Variants in UST observed in about 807,000 individuals in gnomAD.
UST encodes chondroitin sulfate 2-O-sulfotransferase.
Under a neutral mutation model 45.6 loss-of-function variants are expected in UST, and 21 were observed. The observed-to-expected ratio is 0.46, with a 90% CI of 0.33 to 0.66. The LOEUF (loss-of-function observed/expected upper bound fraction) is 0.66, where lower values mean the gene tolerates loss of function less well. Ranked by LOEUF, UST falls within the 30% of genes least tolerant of loss-of-function variation. The probability of loss-of-function intolerance (pLI) is 0.02; values close to 1 mark genes in which losing one functional copy is unlikely to be tolerated. For synonymous variants in UST, 215 were observed against 200.6 expected (o/e 1.07, Z -0.61); for missense variants, 463 against 512.4 (o/e 0.90, Z 0.93).
rs192450877 is a variant in UST at position 148,759,984 on chromosome 6, A to G, written c.247+12307A>G. Among the ~76,000 whole-genome samples the G allele has an allele frequency of 5.9e-5, 9 of 152,278 alleles. No homozygotes were observed. The East Asian group carries it at 1.7e-3, about 29-fold the overall frequency. Reference sequence around the variant, plus strand: ...TGCTGTTCTTCAAATCATGTGCTGAAAGAGACAAGAGGTCATATAATTGTA... The same window carrying G: ...TGCTGTTCTTCAAATCATGTGCTGAGAGAGACAAGAGGTCATATAATTGTA... On this transcript the variant is annotated intron_variant, in intron 1 of 7. Transcript: ENST00000367463.
chr6:148,994,419 C>T (rs540913670), intron 5 of UST, among the ~76,000 whole-genome samples: 13 of 152,124 alleles, frequency 8.5e-5, no homozygotes, highest in Non-Finnish European at 1.9e-4. Context: ...TGGAAAACTG[C>T]TGATAATCCA....
chr6:148,807,731 T>G (rs1419086383), intron 1 of UST, among the ~76,000 whole-genome samples: 1 of 152,154 alleles, frequency 6.6e-6, no homozygotes, highest in Non-Finnish European at 1.5e-5. Flanking sequence ...ATTTTCATAT[T>G]GGGAAATCAT....
chr6:148,948,148 C>T (rs1469076357), intron 3 of UST, among the ~76,000 whole-genome samples: 1 of 152,156 alleles, frequency 6.6e-6, no homozygotes, highest in Non-Finnish European at 1.5e-5. Flanking sequence ...ACAAGGGCTA[C>T]CCCATACTGT....
intron 7 of UST, among the ~76,000 whole-genome samples, chr6:149,061,135 A>C (rs1382792748): frequency 1.3e-5 from 2 of 152,078 alleles, no homozygotes; most frequent in Non-Finnish European, 2.9e-5. Flanking sequence ...ACCATCTCGG[A>C]GGTCATAAAG....
chr6:148,855,745 G>GA (rs1298160778), intron 1 of UST, among the ~76,000 whole-genome samples: 1 of 152,114 alleles, frequency 6.6e-6, no homozygotes, highest in East Asian at 1.9e-4. Context: ...TACTTCGGGA[G>GA]AAAAAGGAGA....
intron 5 of UST, among the ~76,000 whole-genome samples, chr6:149,000,985 G>A (rs926675747): frequency 6.6e-6 from 1 of 151,442 alleles, no homozygotes; most frequent in Non-Finnish European, 1.5e-5. Flanking sequence ...TCTGATAGGA[G>A]ATCCAGAAAA....
chr6:148,937,521 C>T (rs1027824411), intron 2 of UST, among the ~76,000 whole-genome samples: 1 of 152,136 alleles, frequency 6.6e-6, no homozygotes, highest in African/African-American at 2.4e-5. Context: ...TAAATAACAT[C>T]TTTGGTTATT....
chr6:148,926,996 G>A (rs191758605), intron 2 of UST, among the ~76,000 whole-genome samples: 74 of 152,032 alleles, frequency 4.9e-4, no homozygotes, highest in Non-Finnish European at 8.4e-4. Flanking sequence ...ATGAAAGAAA[G>A]CAATTAACAA....
At chr6:148,853,228 C>CT (rs1244551286) in intron 1 of UST, among the ~76,000 whole-genome samples, 4 of 152,136 alleles carry the variant, frequency 2.6e-5, no homozygotes, top group Non-Finnish European at 5.9e-5. Context: ...GCCTGTGTTA[C>CT]TTTGCTGAGG....
intron 2 of UST, among the ~76,000 whole-genome samples, chr6:148,919,444 G>GTGTGTGTGTGTGTA (rs4047184): frequency 1.2e-3 from 183 of 147,560 alleles, no homozygotes; most frequent in African/African-American, 4.4e-3. Context: ...GTGTGTGTGT[G>GTGTGTGTGTGTGTA]TACACTTCTG....
At chr6:148,773,197 C>T (rs184050982) in intron 1 of UST, among the ~76,000 whole-genome samples, 4 of 152,184 alleles carry the variant, frequency 2.6e-5, no homozygotes, top group East Asian at 1.9e-4. Context: ...TGGTGGCTCA[C>T]GCCTGTAATC....
chr6:148,755,663 T>G (rs1177693411), intron 1 of UST, among the ~76,000 whole-genome samples: 2 of 151,682 alleles, frequency 1.3e-5, no homozygotes, highest in African/African-American at 2.4e-5. Flanking sequence ...TTCTTTTTTT[T>G]TTTAATACAC....
At chr6:148,927,626 C>T (rs1250589238) in intron 2 of UST, among the ~76,000 whole-genome samples, 1 of 151,828 alleles carries the variant, frequency 6.6e-6, no homozygotes, top group Admixed American at 6.6e-5. Flanking sequence ...TGAGATATTG[C>T]GTGAAAGGCA....
In UST at chr6:148,754,255, C is replaced by T. The variant is rs184021971; in HGVS notation, c.247+6578C>T. Among the ~76,000 whole-genome samples the T allele has an allele frequency of 8.1e-3, 1,237 of 152,248 alleles. 12 individuals carry two copies. The highest frequency in any genetic ancestry group is 0.011 in the Non-Finnish European group (781 of 68,022). Reference sequence around the variant, plus strand: ...TCGTGATTCGCCCGCCTCGGCCTCCCAAAGTGCTGGGATTACAGGCATGAG... The same window carrying T: ...TCGTGATTCGCCCGCCTCGGCCTCCTAAAGTGCTGGGATTACAGGCATGAG... On this transcript the variant is annotated intron_variant, in intron 1 of 7. Transcript: ENST00000367463.
intron 1 of UST, among the ~76,000 whole-genome samples, chr6:148,786,400 T>G (rs7760844): frequency 0.75 from 113,785 of 151,774 alleles, 42,697 homozygotes; most frequent in Middle Eastern, 0.88. Context: ...CCCCCTGCCC[T>G]CGAAATGGCC....
At chr6:149,046,355 A>G (rs1776395811) in intron 7 of UST, among the ~76,000 whole-genome samples, 1 of 152,232 alleles carries the variant, frequency 6.6e-6, no homozygotes, top group Admixed American at 6.5e-5. Context: ...TTAGCAGGCC[A>G]AGGAGTTGGC....
At chr6:148,937,835 G>GA (rs1276704622) in intron 2 of UST, among the ~76,000 whole-genome samples, 2 of 152,142 alleles carry the variant, frequency 1.3e-5, no homozygotes, top group Admixed American at 6.5e-5. Flanking sequence ...ATTAAACTCT[G>GA]AGTTTATGTT....
At chr6:148,957,024 G>A (rs186021666) in intron 4 of UST, among the ~76,000 whole-genome samples, 392 of 152,274 alleles carry the variant, frequency 2.6e-3, no homozygotes, top group African/African-American at 9.1e-3. Flanking sequence ...CCAGCACAGC[G>A]ACCAGCAGAA....
intron 1 of UST, among the ~76,000 whole-genome samples, chr6:148,886,512 A>G (rs2114843021): frequency 6.6e-6 from 1 of 152,328 alleles, no homozygotes; most frequent in African/African-American, 2.4e-5. Flanking sequence ...GAGAAGAGAA[A>G]CAGACAATTT....
Sources: gnomAD v4.1 joint callset for allele counts (sites outside exome capture counted in the v4.1 genomes callset) on GRCh38, gnomAD v4.1.1 for gene constraint, MANE v1.5 for transcripts, NCBI Gene and HGNC (gene_info 2026-07-23, HGNC 2026-07-21) for gene names.